Variants in MACROD2 observed in about 807,000 individuals in gnomAD.
MACROD2 encodes the protein ADP-ribose glycohydrolase MACROD2.
MACROD2 carries 36 observed loss-of-function variants against 70.4 expected under a neutral mutation model. The ratio of observed to expected loss-of-function variants is 0.51; its 90% confidence interval spans 0.39 to 0.68. The LOEUF is 0.68. MACROD2 is among the 30% of genes least tolerant of loss of function. The pLI is 0.00. For missense variants in MACROD2, 496 were observed against 538.4 expected, an observed-to-expected ratio of 0.92 and a Z score of 0.78; for synonymous variants, 172 against 178.8, an observed-to-expected ratio of 0.96 and a Z score of 0.30.
intron 4 of MACROD2, among the ~76,000 whole-genome samples, chr20:14,584,587 A>G (rs989963665): frequency 6.6e-6 from 1 of 152,104 alleles, no homozygotes; most frequent in Non-Finnish European, 1.5e-5. Flanking sequence ...CTCCAATATT[A>G]TGACTAAATT....
At chr20:14,942,125 TAAC>T (rs2074395804) in intron 5 of MACROD2, among the ~76,000 whole-genome samples, 1 of 152,040 alleles carries the variant, frequency 6.6e-6, no homozygotes, top group Non-Finnish European at 1.5e-5. Context: ...GTAGACACTC[TAAC>T]AATGTGTTGC....
chr20:15,923,066 G>A (rs2065435034), intron 10 of MACROD2, among the ~76,000 whole-genome samples: 1 of 152,154 alleles, frequency 6.6e-6, no homozygotes, highest in Middle Eastern at 3.2e-3. Flanking sequence ...CAGTAATAAA[G>A]TGGGCGTTCA....
intron 3 of MACROD2, among the ~76,000 whole-genome samples, chr20:14,245,005 A>C (rs2081957654): frequency 6.6e-6 from 1 of 152,134 alleles, no homozygotes; most frequent in Non-Finnish European, 1.5e-5. Flanking sequence ...TTATTCTTTC[A>C]TGGGTAAATT....
chr20:15,349,396 C>T (rs867561701), intron 6 of MACROD2, among the ~76,000 whole-genome samples: 2 of 152,048 alleles, frequency 1.3e-5, no homozygotes, highest in Non-Finnish European at 2.9e-5. Context: ...TAATCTTTTA[C>T]AGTTTTTTCT....
intron 6 of MACROD2, chr20:15,280,654 C>T (rs1271552818): frequency 3.9e-5 from 6 of 152,146 alleles, no homozygotes; most frequent in African/African-American, 1.4e-4. Flanking sequence ...CAAGTTATTT[C>T]CTTGGTCTTC....
In MACROD2 at chr20:14,071,252, G is replaced by GTTTTTTTTTTTTT. The variant is rs59052053; in HGVS notation, c.164-14355_164-14343dup. On this transcript the variant is annotated intron_variant, in intron 2 of 17. Transcript: ENST00000684519. ...GACAGTATTGGCCATTTCATCTTGT[G>GTTTTTTTTTTTTT]TTTTTTTTTTTTTTTTTTTTTTTTT... 4.4e-4 allele frequency among the ~76,000 whole-genome samples: 28 copies of GTTTTTTTTTTTTT among 63,956 alleles called. 7 individuals are homozygous for GTTTTTTTTTTTTT. The highest frequency in any genetic ancestry group is 4.2e-4 in the Admixed American group (2 of 4,796). 42.0% of individuals were successfully genotyped at this position (63,956 alleles called of 152,430 possible). A position where few individuals can be genotyped will look rare whatever the true frequency, so the allele number is the denominator to read the frequency against.
Position 15,859,998 on chromosome 20 carries a change from G to A in MACROD2, c.646-2747G>A, listed in dbSNP as rs144834996. ...AAAATACAAAAAATTAGCCGGGCAT[G>A]GTGGCATGTGCCTGTAGTCCCAACT... On this transcript the variant is annotated intron_variant, in intron 8 of 17. Coordinates refer to ENST00000684519, the MANE Select transcript of MACROD2 (RefSeq NM_001351661.2). Among the ~76,000 whole-genome samples, 942 of 152,228 alleles carry A rather than the reference G, an allele frequency of 6.2e-3. 8 individuals carry two copies. The highest frequency in any genetic ancestry group is 0.022 in the African/African-American group (894 of 41,520).
chr20:14,383,391 C>T (rs62207627), intron 3 of MACROD2, among the ~76,000 whole-genome samples: 1 of 150,952 alleles, frequency 6.6e-6, no homozygotes. Context: ...GCCTCTTGTT[C>T]CTTCGTGAAC....
intron 5 of MACROD2, among the ~76,000 whole-genome samples, chr20:14,769,752 CAT>C (rs1156910648): frequency 6.6e-6 from 1 of 152,056 alleles, no homozygotes; most frequent in Non-Finnish European, 1.5e-5. Flanking sequence ...ACACACAAGA[CAT>C]AGCACAAATA....
intron 3 of MACROD2, among the ~76,000 whole-genome samples, chr20:14,111,067 A>G (rs1270170433): frequency 6.6e-6 from 1 of 151,982 alleles, no homozygotes; most frequent in Non-Finnish European, 1.5e-5. Context: ...AAACAAATCC[A>G]TACACCTACA....
intron 3 of MACROD2, among the ~76,000 whole-genome samples, chr20:14,271,384 G>C (rs567359430): frequency 8.5e-5 from 13 of 152,184 alleles, no homozygotes; most frequent in African/African-American, 2.9e-4. Context: ...AGACAAACAG[G>C]GTCTGGAGTG....
chr20:16,004,466 G>A (rs896606835), intron 15 of MACROD2, among the ~76,000 whole-genome samples: 3 of 152,222 alleles, frequency 2.0e-5, no homozygotes, highest in Non-Finnish European at 4.4e-5. Flanking sequence ...TGTTATGCCA[G>A]GGCCACGACT....
At chr20:14,572,509 C>G (rs888748829) in intron 4 of MACROD2, among the ~76,000 whole-genome samples, 1 of 152,018 alleles carries the variant, frequency 6.6e-6, no homozygotes, top group Non-Finnish European at 1.5e-5. Context: ...ACTCTAATCT[C>G]AACCAATAGT....
At chr20:14,098,705 A>G (rs574641662) in intron 3 of MACROD2, among the ~76,000 whole-genome samples, 5 of 152,306 alleles carry the variant, frequency 3.3e-5, no homozygotes, top group Non-Finnish European at 7.4e-5. Context: ...TGAAGTTAGA[A>G]TTTAAGTTAT....
chr20:15,283,756 T>C (rs921259538), intron 6 of MACROD2, among the ~76,000 whole-genome samples: 1 of 152,084 alleles, frequency 6.6e-6, no homozygotes, highest in African/African-American at 2.4e-5. Flanking sequence ...TAAAAATTAC[T>C]TCATTGCTTT....
chr20:14,336,998 C>A (rs1201706060), intron 3 of MACROD2, among the ~76,000 whole-genome samples: 3 of 152,180 alleles, frequency 2.0e-5, no homozygotes, highest in Admixed American at 6.5e-5. Flanking sequence ...TATTGATTTT[C>A]TTTCACAGTT....
chr20:14,874,367 G>A (rs543162168), intron 5 of MACROD2, among the ~76,000 whole-genome samples: 104 of 142,824 alleles, frequency 7.3e-4, no homozygotes, highest in African/African-American at 2.3e-3. Context: ...TCCTCTTTTT[G>A]TAAACTGCAG....
chr20:14,057,078 G>C (rs1285824372), intron 2 of MACROD2, among the ~76,000 whole-genome samples: 1 of 152,072 alleles, frequency 6.6e-6, no homozygotes, highest in Non-Finnish European at 1.5e-5. Context: ...AATGAAACTT[G>C]ATCCCTGCTT....
intron 3 of MACROD2, among the ~76,000 whole-genome samples, chr20:14,184,016 G>T (rs575903543): frequency 5.8e-4 from 89 of 152,144 alleles, no homozygotes; most frequent in African/African-American, 2.0e-3. Context: ...AGTTTCCTTT[G>T]CTGTGCAGGA....
Sources: allele counts gnomAD v4.1 joint callset (sites outside exome capture counted in the v4.1 genomes callset), GRCh38; gene constraint gnomAD v4.1.1; transcripts MANE v1.5; gene names NCBI Gene and HGNC (gene_info 2026-07-23, HGNC 2026-07-21).